CCDC178: variants seen among roughly 807,000 people sequenced by gnomAD.
The protein encoded by CCDC178 is coiled-coil domain containing 178.
A neutral mutation model predicts 117.4 loss-of-function variants in CCDC178; 126 were observed. That is an observed-to-expected ratio of 1.07 (90% confidence interval 0.93 to 1.24). CCDC178 has a LOEUF of 1.24. Ranked by LOEUF, CCDC178 falls within the 50% of genes most tolerant of loss-of-function variation. The pLI is 0.00. For synonymous variants in CCDC178, 283 were observed against 313.4 expected (o/e 0.90, Z 1.02); for missense variants, 1,030 against 986.9 (o/e 1.04, Z -0.59).
Position 33,179,146 on chromosome 18 carries a change from C to CTA in CCDC178, c.2238+32748_2238+32749dup, listed in dbSNP as rs1221903813. ...TATATATAAACTATATATATATAAA[C>CTA]TATATATATATAAACTATATATATA... On this transcript the variant is annotated intron_variant, in intron 20 of 22. Coordinates refer to ENST00000383096, the MANE Select transcript of CCDC178 (RefSeq NM_001105528.4). 6.2e-3 allele frequency among the ~76,000 whole-genome samples: 424 copies of CTA among 68,384 alleles called. 42 individuals carry two copies. The highest frequency in any genetic ancestry group is 0.013 in the African/African-American group (160 of 12,312). 44.9% of individuals were successfully genotyped at this position (68,384 alleles called of 152,430 possible). A position where few individuals can be genotyped will look rare whatever the true frequency, so the allele number is the denominator to read the frequency against.
chr18:33,181,403 C>A (rs2144481361), intron 20 of CCDC178, among the ~76,000 whole-genome samples: 1 of 151,918 alleles, frequency 6.6e-6, no homozygotes, highest in South Asian at 2.1e-4. Flanking sequence ...AATAAAAGGA[C>A]ATTTGTGTTT....
intron 20 of CCDC178, among the ~76,000 whole-genome samples, chr18:33,137,042 T>C (rs760138265): frequency 1.3e-5 from 2 of 152,118 alleles, no homozygotes; most frequent in Non-Finnish European, 2.9e-5. Context: ...ATACTTTTGC[T>C]TGGGTCAATT....
chr18:33,080,688 G>A (rs2057283247), intron 21 of CCDC178, among the ~76,000 whole-genome samples: 1 of 152,080 alleles, frequency 6.6e-6, no homozygotes, highest in Non-Finnish European at 1.5e-5. Flanking sequence ...CAGTAGTTTT[G>A]TTTTCTAAGG....
chr18:33,180,495 C>A (rs1312790562), intron 20 of CCDC178, among the ~76,000 whole-genome samples: 1 of 151,788 alleles, frequency 6.6e-6, no homozygotes, highest in Admixed American at 6.6e-5. Context: ...CTAAATTTCT[C>A]AAAGACATCC....
intron 11 of CCDC178, among the ~76,000 whole-genome samples, chr18:33,315,036 A>C (rs1193967386): frequency 6.6e-6 from 1 of 152,148 alleles, no homozygotes; most frequent in East Asian, 1.9e-4. Context: ...TGAGGAATAA[A>C]AGGCAATTAG....
At chr18:33,070,926 C>T (rs1473775257) in intron 21 of CCDC178, among the ~76,000 whole-genome samples, 1 of 152,030 alleles carries the variant, frequency 6.6e-6, no homozygotes, top group South Asian at 2.1e-4. Flanking sequence ...TTCATTGAGA[C>T]ACATTACAAA....
rs191659557 is a variant in CCDC178, at chr18:33,353,271, C to T, written c.371+3053G>A. On this transcript the variant is annotated intron_variant, in intron 7 of 22. Transcript: ENST00000383096. ...GCATGGAATATGGTTTTTCATCCTT[C>T]CACTTTTAAGCTACTTATGTCTTTG... 1.0e-3 allele frequency among the ~76,000 whole-genome samples: 157 copies of T among 152,114 alleles called. 1 individual carries two copies. Among genetic ancestry groups the T allele is most frequent in the African/African-American group, 3.6e-3 (148 of 41,528 alleles).
intron 11 of CCDC178, among the ~76,000 whole-genome samples, chr18:33,296,967 T>C (rs990673749): frequency 4.6e-5 from 7 of 152,058 alleles, no homozygotes; most frequent in African/African-American, 1.4e-4. Context: ...GAGGTTGTAG[T>C]GAATCAAGAT....
At chr18:33,331,374 T>C (rs866074376) in intron 10 of CCDC178, among the ~76,000 whole-genome samples, 9 of 152,064 alleles carry the variant, frequency 5.9e-5, no homozygotes, top group African/African-American at 1.9e-4. Context: ...TCTTCAGCCA[T>C]CCTGAGTTGT....
chr18:33,121,119 C>A (rs2144212033), intron 20 of CCDC178, among the ~76,000 whole-genome samples: 1 of 152,150 alleles, frequency 6.6e-6, no homozygotes, highest in African/African-American at 2.4e-5. Context: ...GGGGATTTTG[C>A]AGATTTGATT....
At chr18:33,081,407 A>C (rs2057295420) in intron 21 of CCDC178, among the ~76,000 whole-genome samples, 1 of 152,186 alleles carries the variant, frequency 6.6e-6, no homozygotes, top group African/African-American at 2.4e-5. Flanking sequence ...ATTACACTGC[A>C]GTTCAGTTTT....
chr18:32,954,836 AC>A (rs1411208455), intron 22 of CCDC178, among the ~76,000 whole-genome samples: 3 of 152,156 alleles, frequency 2.0e-5, no homozygotes, highest in Non-Finnish European at 4.4e-5. Flanking sequence ...ATGGTGTAAG[AC>A]AGTGTTTTGT....
At chr18:33,095,297 G>GAGAAGAGAT (rs2057526432) in intron 20 of CCDC178, among the ~76,000 whole-genome samples, 1 of 151,968 alleles carries the variant, frequency 6.6e-6, no homozygotes, top group Admixed American at 6.6e-5. Context: ...GCTTGCTGAA[G>GAGAAGAGAT]AGAAGAGATG....
intron 12 of CCDC178, among the ~76,000 whole-genome samples, chr18:33,272,492 T>A (rs1419205010): frequency 6.6e-6 from 1 of 151,540 alleles, no homozygotes; most frequent in African/African-American, 2.4e-5. Flanking sequence ...TCGACATGGG[T>A]CTTTCACAAA....
At chr18:33,412,791 C>T (rs1015733048) in intron 2 of CCDC178, among the ~76,000 whole-genome samples, 1 of 152,100 alleles carries the variant, frequency 6.6e-6, no homozygotes, top group African/African-American at 2.4e-5. Flanking sequence ...ACATTTGTCT[C>T]ACATTTTCTG....
intron 21 of CCDC178, among the ~76,000 whole-genome samples, chr18:33,057,644 A>C (rs1336978758): frequency 6.6e-6 from 1 of 152,050 alleles, no homozygotes; most frequent in Non-Finnish European, 1.5e-5. Flanking sequence ...GGTGTCCACC[A>C]CTATGCCTGG....
intron 20 of CCDC178, among the ~76,000 whole-genome samples, chr18:33,096,633 A>G (rs1206829617): frequency 6.6e-6 from 1 of 151,996 alleles, no homozygotes; most frequent in African/African-American, 2.4e-5. Flanking sequence ...ATGCCACTTT[A>G]AAAGAAGTTG....
chr18:33,147,954 G>T (rs933102885), intron 20 of CCDC178, among the ~76,000 whole-genome samples: 1 of 151,774 alleles, frequency 6.6e-6, no homozygotes, highest in Non-Finnish European at 1.5e-5. Context: ...AGGCAGAGGC[G>T]CCCCCACCTC....
chr18:33,342,772 T>C (rs926551544), intron 9 of CCDC178, among the ~76,000 whole-genome samples: 1 of 152,192 alleles, frequency 6.6e-6, no homozygotes, highest in African/African-American at 2.4e-5. Context: ...AAAATGCTTA[T>C]TGTTGTAAGC....
Sources: gnomAD v4.1 joint callset for allele counts (sites outside exome capture counted in the v4.1 genomes callset) on GRCh38, gnomAD v4.1.1 for gene constraint, MANE v1.5 for transcripts, NCBI Gene and HGNC (gene_info 2026-07-23, HGNC 2026-07-21) for gene names.